The following LPP variants were observed in gnomAD, a reference collection of about 807,000 sequenced individuals.
LPP encodes lipoma-preferred partner.
LPP carries 38 observed loss-of-function variants against 60.4 expected under a neutral mutation model. The observed-to-expected ratio is 0.63, with a 90% confidence interval of 0.49 to 0.83. The LOEUF is 0.83. Ranked by LOEUF, LPP falls within the 40% of genes least tolerant of loss-of-function variation. LPP has a pLI of 0.00. For missense variants in LPP, 902 were observed against 783.6 expected (o/e 1.15, Z -1.80); for synonymous variants, 328 against 290.8 (o/e 1.13, Z -1.30).
In LPP at chr3:188,373,886, A is replaced by G. The variant is rs533644608; in HGVS notation, c.-10+32167A>G. 9.2e-5 allele frequency among the ~76,000 whole-genome samples: 14 copies of G among 152,182 alleles called. 1 individual carries two copies. Among genetic ancestry groups the G allele is most frequent in the Admixed American group, 8.5e-4 (13 of 15,288 alleles). ...ATCCATCTTGAATTAATTTTTGTAT[A>G]AGGTGTAAGGAAGGGATCCAATTTC... On this transcript the variant is annotated intron_variant, in intron 3 of 11. Coordinates refer to ENST00000617246, the MANE Select transcript of LPP (RefSeq NM_001375462.1).
chr3:188,173,602 G>GTA (rs1560081544), intron 1 of LPP, among the ~76,000 whole-genome samples: 2 of 152,112 alleles, frequency 1.3e-5, no homozygotes, highest in Admixed American at 6.6e-5. Context: ...CTACTATGAC[G>GTA]TATAATGTTG....
At chr3:188,372,410 C>T (rs1773549838) in intron 3 of LPP, among the ~76,000 whole-genome samples, 1 of 152,090 alleles carries the variant, frequency 6.6e-6, no homozygotes, top group African/African-American at 2.4e-5. Context: ...TGTTAAATAA[C>T]ATGAAAATAA....
At chr3:188,447,067 G>T (rs930423776) in intron 4 of LPP, among the ~76,000 whole-genome samples, 1 of 152,270 alleles carries the variant, frequency 6.6e-6, no homozygotes, top group East Asian at 1.9e-4. Context: ...GTCTAACTCT[G>T]ATTCCTTTGG....
intron 7 of LPP, among the ~76,000 whole-genome samples, chr3:188,686,015 G>A (rs1470695511): frequency 1.3e-5 from 2 of 152,172 alleles, no homozygotes; most frequent in Non-Finnish European, 2.9e-5. Flanking sequence ...AGGCTTTGAA[G>A]TTTGACAGTC....
At chr3:188,848,318 G>A (rs1380747285) in intron 9 of LPP, among the ~76,000 whole-genome samples, 1 of 152,174 alleles carries the variant, frequency 6.6e-6, no homozygotes, top group African/African-American at 2.4e-5. Flanking sequence ...TCCAATGAGA[G>A]GCAATTGCTT....
Position 188,601,135 on chromosome 3 carries a change from A to T in LPP, c.430-8026A>T, listed in dbSNP as rs1198414314. Among the ~76,000 whole-genome samples, 5 of 152,100 alleles carry T rather than the reference A, an allele frequency of 3.3e-5. No homozygotes were observed. In the East Asian group the frequency reaches 9.6e-4, roughly 29 times the overall value. ...TTTTAGGTATCTACCCAGAAGTTGA[A>T]TTGCCAGATTATTGATATATTTTGA... On this transcript the variant is annotated intron_variant, in intron 6 of 11. Coordinates refer to ENST00000617246, the MANE Select transcript of LPP (RefSeq NM_001375462.1).
At chr3:188,394,504 G>C (rs1485688111) in intron 3 of LPP, among the ~76,000 whole-genome samples, 1 of 151,584 alleles carries the variant, frequency 6.6e-6, no homozygotes. Context: ...TTAAACTTCT[G>C]TATTGGTGAA....
At chr3:188,653,292 A>G (rs994917105) in intron 7 of LPP, among the ~76,000 whole-genome samples, 2 of 152,216 alleles carry the variant, frequency 1.3e-5, no homozygotes, top group African/African-American at 4.8e-5. Context: ...TAAGGATTAA[A>G]TGAGCACATG....
chr3:188,382,682 A>G (rs1023599982), intron 3 of LPP, among the ~76,000 whole-genome samples: 4 of 152,168 alleles, frequency 2.6e-5, no homozygotes, highest in Non-Finnish European at 5.9e-5. Flanking sequence ...TGCTATGTAT[A>G]TTGACATTTA....
chr3:188,155,726 T>C (rs571411356), intron 1 of LPP, among the ~76,000 whole-genome samples: 12 of 146,458 alleles, frequency 8.2e-5, no homozygotes, highest in African/African-American at 2.9e-4. Context: ...AAGGAAAAAG[T>C]GTGTGGGCCA....
intron 7 of LPP, among the ~76,000 whole-genome samples, chr3:188,678,563 A>G (rs535274068): frequency 6.6e-6 from 1 of 152,364 alleles, no homozygotes; most frequent in East Asian, 1.9e-4. Context: ...GGCAGGAAGG[A>G]GAGTAAATCC....
In LPP at chr3:188,560,128, A is replaced by T. The variant is rs188230971; in HGVS notation, c.429+35341A>T. On this transcript the variant is annotated intron_variant, in intron 6 of 11. Transcript: ENST00000617246. ...GAGGAATAATTATATTTACTTTTTGACATGGCTAGAATAATTACAGAGAAT... is the reference window on the plus strand; with the variant it reads ...GAGGAATAATTATATTTACTTTTTGTCATGGCTAGAATAATTACAGAGAAT... 3.9e-5 allele frequency among the ~76,000 whole-genome samples: 6 copies of T among 152,218 alleles called. No homozygotes were observed. The East Asian group carries it at 1.2e-3, about 30-fold the overall frequency.
chr3:188,753,717 A>G (rs148514378), intron 8 of LPP, among the ~76,000 whole-genome samples: 1 of 151,750 alleles, frequency 6.6e-6, no homozygotes, highest in African/African-American at 2.4e-5. Context: ...TTTTGTGTCT[A>G]CCACTCATCC....
chr3:188,330,859 GTAAATAAA>G (rs57059911), intron 2 of LPP, among the ~76,000 whole-genome samples: 2,652 of 149,496 alleles, frequency 0.018, 71 homozygotes, highest in African/African-American at 0.061. Context: ...AAGTAAGTAA[GTAAATAAA>G]TAAATAAATA....
At chr3:188,354,153 C>T (rs1766805787) in intron 3 of LPP, among the ~76,000 whole-genome samples, 1 of 152,030 alleles carries the variant, frequency 6.6e-6, no homozygotes, top group South Asian at 2.1e-4. Flanking sequence ...TATATTCTTT[C>T]TGAAAAGAAA....
intron 8 of LPP, among the ~76,000 whole-genome samples, chr3:188,717,887 G>C (rs557813094): frequency 1.3e-5 from 2 of 151,908 alleles, no homozygotes; most frequent in African/African-American, 4.8e-5. Context: ...GTGCGATCTC[G>C]GTGCACCACA....
At chr3:188,728,027 C>A (rs1395452543) in intron 8 of LPP, among the ~76,000 whole-genome samples, 1 of 152,088 alleles carries the variant, frequency 6.6e-6, no homozygotes, top group African/African-American at 2.4e-5. Context: ...CTGGAGGAAA[C>A]CTGAGGAGTT....
intron 2 of LPP, among the ~76,000 whole-genome samples, chr3:188,312,147 A>C (rs1161801006): frequency 6.7e-6 from 1 of 148,588 alleles, no homozygotes; most frequent in Non-Finnish European, 1.5e-5. Flanking sequence ...GTATACACAC[A>C]CACACAGAAA....
chr3:188,203,589 ATT>A (rs377731610), intron 1 of LPP, among the ~76,000 whole-genome samples: 1 of 97,732 alleles, frequency 1.0e-5, no homozygotes, highest in Non-Finnish European at 1.9e-5. Context: ...ATATATATAT[ATT>A]TAAATATATA....
Sources: allele counts gnomAD v4.1 joint callset (sites outside exome capture counted in the v4.1 genomes callset), GRCh38; gene constraint gnomAD v4.1.1; transcripts MANE v1.5; gene names NCBI Gene and HGNC (gene_info 2026-07-23, HGNC 2026-07-21).